Variants in ALOX12B observed in about 807,000 individuals in gnomAD.
ALOX12B encodes the protein arachidonate 12-lipoxygenase, 12R type.
ALOX12B carries 47 observed loss-of-function variants against 78.9 expected under a neutral mutation model. The ratio of observed to expected loss-of-function variants is 0.60; its 90% CI spans 0.47 to 0.76. The LOEUF is 0.76. Ranked by LOEUF, ALOX12B falls within the 30% of genes least tolerant of loss-of-function variation. ALOX12B has a pLI of 0.00. For synonymous variants in ALOX12B, 370 were observed against 374.5 expected (o/e 0.99, Z 0.14); for missense variants, 805 against 922.6 (o/e 0.87, Z 1.65).
At chr17:8,082,425 G>A (rs972818801) in intron 2 of ALOX12B, among the ~76,000 whole-genome samples, 5 of 152,124 alleles carry the variant, frequency 3.3e-5, no homozygotes, top group African/African-American at 9.7e-5. Flanking sequence ...TGCTCTGAGC[G>A]TTAACCTGCT....
chr17:8,080,803 AC>A lies in ALOX12B; in HGVS notation c.528-24del. ...CACCTGTGGGGAGAAGCGCAGGGCA[AC>A]TGGGATCCAGGGGGCGGGGAGGAGG... On this transcript the variant is annotated intron_variant, in intron 4 of 14. Coordinates refer to ENST00000647874, the MANE Select transcript of ALOX12B (RefSeq NM_001139.3). This position sits in a 1 kb window ranked among gnomAD's most constrained non-coding sequence, Gnocchi z 4.8. 6.2e-7 allele frequency: 1 copy of A among 1,614,104 alleles called. No homozygotes were observed. The highest frequency in any genetic ancestry group is 1.1e-5 in the South Asian group (1 of 91,074).
At chr17:8,084,236 C>T (rs533141271) in intron 2 of ALOX12B, among the ~76,000 whole-genome samples, 9 of 152,204 alleles carry the variant, frequency 5.9e-5, no homozygotes, top group Non-Finnish European at 1.3e-4. Context: ...CGTCTTTCTC[C>T]AGCACCCTGG....
chr17:8,072,705 G>C lies in ALOX12B; in HGVS notation c.*66C>G. ...TCTGAGGTTTTTGTGTTTTTTGCTT[G>C]TTTGTTTTGTTTTGTTGAAAATAGT... On this transcript the variant is annotated 3_prime_UTR_variant, in exon 15 of 15. Transcript: ENST00000647874. 6.3e-7 allele frequency: 1 copy of C among 1,597,822 alleles called. No individual in the cohort carries two copies. Among genetic ancestry groups the C allele is most frequent in the Non-Finnish European group, 8.6e-7 (1 of 1,166,546 alleles).
At chr17:8,075,163 T>C (rs946575434) in intron 12 of ALOX12B, among the ~76,000 whole-genome samples, 3 of 152,212 alleles carry the variant, frequency 2.0e-5, no homozygotes, top group African/African-American at 7.2e-5. Flanking sequence ...GCACTGTGGA[T>C]GCTCACTGGA....
chr17:8,083,274 G>T (rs189074842), intron 2 of ALOX12B, among the ~76,000 whole-genome samples: 1 of 151,956 alleles, frequency 6.6e-6, no homozygotes, highest in Non-Finnish European at 1.5e-5. Flanking sequence ...AATAAAATCC[G>T]AATTTCAAAG....
chr17:8,077,175 G>A lies in ALOX12B; in HGVS notation c.1090C>T (p.Pro364Ser). ...IAIQLSQTPG[P>S]DCPIFLPSDS... is the part of the protein sequence containing the mutation. The stretch of plus-strand genomic sequence containing the variant: ...CTGGGCAGGAAGATGGGGCAATCTG[G>A]CCCAGGGGTCTGGCTGAGCTAGGTG... Residue 364 changes from proline (P) to serine (S), a missense_variant, in exon 9 of 15, where the codon CCA (proline) becomes TCA (serine). By Grantham distance (74) the Pro-to-Ser change is moderately conservative. Coordinates refer to ENST00000647874, the MANE Select transcript of ALOX12B (RefSeq NM_001139.3). 1.9e-6 allele frequency: 3 copies of A among 1,613,022 alleles called. No individual in the cohort carries two copies. The highest frequency in any genetic ancestry group is 2.5e-6 in the Non-Finnish European group (3 of 1,179,642).
Position 8,080,078 on chromosome 17 carries a change from C to G in ALOX12B, c.755-137G>C, listed in dbSNP as rs771390670. ...GGCCCCCAGCCTGGCGCTGAGCGGC[C>G]GGAGGAGCCCGGTGCGACATTTTCC... On this transcript the variant is annotated intron_variant, in intron 6 of 14. Coordinates refer to ENST00000647874, the MANE Select transcript of ALOX12B (RefSeq NM_001139.3). This position sits in a 1 kb window ranked among gnomAD's most constrained non-coding sequence, Gnocchi z 4.8. 3 of 1,480,184 alleles carry G rather than the reference C, an allele frequency of 2.0e-6. No homozygotes were observed. Among genetic ancestry groups the G allele is most frequent in the Non-Finnish European group, 2.8e-6 (3 of 1,069,322 alleles). 91.7% of individuals were successfully genotyped at this position (1,480,184 alleles called of 1,614,324 possible). A position where few individuals can be genotyped will look rare whatever the true frequency, so the allele number is the denominator to read the frequency against.
In ALOX12B at chr17:8,087,389, T is replaced by C; in HGVS notation, c.54A>G (p.Thr18=). 1.9e-6 allele frequency: 3 copies of C among 1,614,230 alleles called. No homozygotes were observed. Among genetic ancestry groups the C allele is most frequent in the Non-Finnish European group, 2.5e-6 (3 of 1,180,040 alleles). ...CAATGGTCAGTGAGATGGAGTCCCG[T>C]GTTCCCGACAAGAGGTCGGTGCCTG... ...VATGTDLLSG[T]RDSISLTIVG... Residue 18 remains threonine, a synonymous_variant, in exon 1 of 15, where the codon ACA becomes ACG. Transcript: ENST00000647874.
At chr17:8,084,740 G>T (rs1366699726) in intron 2 of ALOX12B, among the ~76,000 whole-genome samples, 1 of 152,222 alleles carries the variant, frequency 6.6e-6, no homozygotes, top group South Asian at 2.1e-4. Context: ...CTGCAGGGAG[G>T]ATGGGGCTTC....
In ALOX12B at chr17:8,076,349, G is replaced by A. The variant is rs763657007; in HGVS notation, c.1363-5C>T. 4.4e-6 allele frequency: 7 copies of A among 1,594,868 alleles called. No homozygotes were observed. The East Asian group carries it at 1.6e-4, about 36-fold the overall frequency. ...TTCCACGCCCAGGGACATGCCCTGTGAGGAAGGAGGCAGATCCTGGAGCCG... is the reference window on the plus strand; with the variant it reads ...TTCCACGCCCAGGGACATGCCCTGTAAGGAAGGAGGCAGATCCTGGAGCCG... On this transcript the variant is annotated splice_region_variant and splice_polypyrimidine_tract_variant and intron_variant, in intron 10 of 14. Coordinates refer to ENST00000647874, the MANE Select transcript of ALOX12B (RefSeq NM_001139.3).
At position 8,073,275 on chromosome 17, in the gene ALOX12B, C is replaced by T. The variant is rs1333287390; in HGVS notation, c.1799G>A (p.Arg600Gln). ...CCCCTTAGTCTGAATCGGTGGATTC[C>T]GCATGGACGCTGGGAAGTTGGGCAT... ...AWMPNFPASM[R>Q]NPPIQTKGLT... is the part of the protein sequence containing the mutation. Residue 600 changes from arginine (R) to glutamine (Q), a missense_variant, in exon 14 of 15, where the codon CGG (arginine) becomes CAG (glutamine). Coordinates refer to ENST00000647874, the MANE Select transcript of ALOX12B (RefSeq NM_001139.3). 6 of 1,614,148 alleles carry T rather than the reference C, an allele frequency of 3.7e-6. No homozygotes were observed. Among genetic ancestry groups the T allele is most frequent in the African/African-American group, 1.3e-5 (1 of 75,016 alleles).
At position 8,077,102 on chromosome 17, in the gene ALOX12B, G is replaced by T; in HGVS notation, c.1163C>A (p.Ala388Glu). 6.2e-7 allele frequency: 1 copy of T among 1,613,982 alleles called. No individual in the cohort carries two copies. The highest frequency in any genetic ancestry group is 8.5e-7 in the Non-Finnish European group (1 of 1,180,008). The change falls in exon 9 of 15, where the codon GCG (alanine) becomes GAG (glutamate). Residue 388 changes from alanine to glutamate, a missense_variant. By Grantham distance (107) the Ala-to-Glu change is moderately radical. Coordinates refer to ENST00000647874, the MANE Select transcript of ALOX12B (RefSeq NM_001139.3). Reference sequence around the variant, plus strand: ...GATGGCCTCGTGGCTGTAGAACTCCGCATAGCGTACCCACGTCTTGGCTAG... The same window carrying T: ...GATGGCCTCGTGGCTGTAGAACTCCTCATAGCGTACCCACGTCTTGGCTAG... ...WLLAKTWVRYAEFYSHEAIAH... is the reference protein window; with the variant it reads ...WLLAKTWVRYEEFYSHEAIAH...
rs369676019 is a variant in ALOX12B, at chr17:8,080,630, C to T, written c.650+28G>A. ...GAGGGAAAGTTCTTGCAGGAGCCCT[C>T]GTTCTCCCGTCACTCACACGGACTC... On this transcript the variant is annotated intron_variant, in intron 5 of 14. Transcript: ENST00000647874. This position sits in a 1 kb window ranked among gnomAD's most constrained non-coding sequence, Gnocchi z 4.8. The T allele has an allele frequency of 1.2e-6, 2 of 1,613,932 alleles. No homozygotes were observed. The highest frequency in any genetic ancestry group is 2.2e-5 in the East Asian group (1 of 44,884).
At chr17:8,073,368 T>C (rs760457520) in intron 13 of ALOX12B, 50 bp from the exon 14 acceptor site, 6 of 1,610,628 alleles carry the variant, frequency 3.7e-6, no homozygotes, top group East Asian at 2.2e-5. Context: ...ACCTCAGGAG[T>C]TTCCTTCCAC....
chr17:8,078,026 A>G (rs1011871915), intron 8 of ALOX12B, among the ~76,000 whole-genome samples: 1 of 152,320 alleles, frequency 6.6e-6, no homozygotes, highest in Non-Finnish European at 1.5e-5. Flanking sequence ...CATTCCCTAA[A>G]CAATACAGTG....
At chr17:8,086,885 C>T (rs1598184775) in intron 1 of ALOX12B, among the ~76,000 whole-genome samples, 1 of 151,488 alleles carries the variant, frequency 6.6e-6, no homozygotes, top group African/African-American at 2.4e-5. Flanking sequence ...GGAAGGAAAG[C>T]AGGTGGAAAG....
chr17:8,087,660 G>A lies in ALOX12B; in HGVS notation c.-218C>T. The A allele has an allele frequency of 1.4e-6, 1 of 707,828 alleles. No homozygotes were observed. The highest frequency in any genetic ancestry group is 1.8e-5 in the South Asian group (1 of 55,586). The allele number at this position is 707,828 out of a possible 1,614,324, so 43.8% of individuals were successfully genotyped here. ...GGTGGCCGGGGTGGGTGCCGGGCAG[G>A]CCCAGGCGGAGCCCAGCTGGTGGTG... On this transcript the variant is annotated 5_prime_UTR_variant, in exon 1 of 15. Coordinates refer to ENST00000647874, the MANE Select transcript of ALOX12B (RefSeq NM_001139.3).
chr17:8,079,924 A>T lies in ALOX12B; in HGVS notation c.772T>A (p.Trp258Arg). The change falls in exon 7 of 15, where the codon TGG (tryptophan) becomes AGG (arginine). Residue 258 changes from tryptophan to arginine, a missense_variant. Transcript: ENST00000647874. The surrounding 1 kb of genome is among the most constrained non-coding windows in gnomAD (Gnocchi z 6.4). ...TACCCAAAGAAGGTGTCCTCTGCCC[A>T]GTGCTCGGCCACGTACTCTGCGAGG... is the stretch of plus-strand genomic sequence containing the variant. ...SVVSEYVAEH[W>R]AEDTFFGYQY... 6.2e-7 allele frequency: 1 copy of T among 1,612,634 alleles called. No individual in the cohort carries two copies. Among genetic ancestry groups the T allele is most frequent in the Non-Finnish European group, 8.5e-7 (1 of 1,179,572 alleles).
chr17:8,073,448 G>A, intron 13 of ALOX12B, 130 bp from the exon 14 acceptor site: 1 of 1,174,944 alleles, frequency 8.5e-7, no homozygotes, highest in Admixed American at 1.9e-5. Context: ...GCTGGGCTGG[G>A]TTGGTTAGAC....
Sources: allele counts gnomAD v4.1 joint callset (sites outside exome capture counted in the v4.1 genomes callset), GRCh38; gene constraint gnomAD v4.1.1; non-coding constraint Gnocchi (gnomAD v3.1); transcripts MANE v1.5; gene names NCBI Gene and HGNC (gene_info 2026-07-23, HGNC 2026-07-21).